Variants in LURAP1L observed in about 807,000 individuals in gnomAD.
LURAP1L encodes leucine rich adaptor protein 1 like.
In LURAP1L, 12 loss-of-function variants were observed where a neutral mutation model predicts 13.8. The ratio of observed to expected loss-of-function variants is 0.87; its 90% CI spans 0.56 to 1.41. The LOEUF (loss-of-function observed/expected upper bound fraction) is 1.41. Ranked by LOEUF, LURAP1L falls within the 40% of genes most tolerant of loss-of-function variation. LURAP1L has a pLI of 0.00. For synonymous variants in LURAP1L, 139 were observed against 119.2 expected, an observed-to-expected ratio of 1.17 and a Z score of -1.08; for missense variants, 375 against 292.9, an observed-to-expected ratio of 1.28 and a Z score of -2.04.
At chr9:12,780,075 G>A (rs978833017) in intron 1 of LURAP1L, among the ~76,000 whole-genome samples, 2 of 152,172 alleles carry the variant, frequency 1.3e-5, no homozygotes, top group African/African-American at 4.8e-5. Context: ...TGATGTAGGA[G>A]TATCAAGAGC....
chr9:12,789,528 G>A (rs1440211015), intron 1 of LURAP1L, among the ~76,000 whole-genome samples: 1 of 152,144 alleles, frequency 6.6e-6, no homozygotes, highest in Admixed American at 6.6e-5. Flanking sequence ...AGTGATTAGT[G>A]CCCAAGTAAG....
chr9:12,791,487 C>T (rs1382320313), intron 1 of LURAP1L, among the ~76,000 whole-genome samples: 38 of 151,986 alleles, frequency 2.5e-4, no homozygotes, highest in Admixed American at 2.4e-3. Context: ...AGGAGGATTT[C>T]CTACTAAGTG....
chr9:12,819,501 G>A (rs7022588), intron 1 of LURAP1L, among the ~76,000 whole-genome samples: 2,567 of 152,138 alleles, frequency 0.017, 73 homozygotes, highest in African/African-American at 0.059. Flanking sequence ...AGGACAATTC[G>A]CTCTTTTCTT....
At chr9:12,820,514 C>CAAAAA (rs1160341281) in intron 1 of LURAP1L, among the ~76,000 whole-genome samples, 4 of 41,726 alleles carry the variant, frequency 9.6e-5, no homozygotes, top group African/African-American at 3.3e-4. Flanking sequence ...CCCCCCCCCC[C>CAAAAA]AAAAAAAAAA....
chr9:12,776,098 G>A (rs1819177867), intron 1 of LURAP1L, 71 bp downstream of exon 1: 1 of 1,473,250 alleles, frequency 6.8e-7, no homozygotes, highest in South Asian at 1.2e-5. Context: ...TCTGAGAATG[G>A]GGCTGGGAGA....
chr9:12,775,789 T>C lies in LURAP1L; in HGVS notation c.74T>C (p.Val25Ala), dbSNP rs750540640. 6.2e-6 allele frequency: 10 copies of C among 1,610,316 alleles called. No homozygotes were observed. The Admixed American group carries it at 1.2e-4, about 19-fold the overall frequency. The change falls in exon 1 of 2, where the codon GTG (valine) becomes GCG (alanine). Residue 25 changes from valine to alanine, a missense_variant. Physicochemically the swap from Val to Ala is moderately conservative, Grantham distance 64. Transcript: ENST00000319264. ...GGGCGCAAAGTACCCGAGAGTCTAG[T>C]GCGCTCTCTCCGTGGGGAGGAGCCG... ...KLGRKVPESLVRSLRGEEPVP... is the reference protein window; with the variant it reads ...KLGRKVPESLARSLRGEEPVP...
At position 12,809,442 on chromosome 9, in the gene LURAP1L, C is replaced by T. The variant is rs1283004758; in HGVS notation, c.313-11944C>T. ...CCCATCAAAGGCATTATTTATGTTA[C>T]AGTGTTTTTGATTTCTTGCATTTTC... On this transcript the variant is annotated intron_variant, in intron 1 of 1. Transcript: ENST00000319264. 2.6e-5 allele frequency among the ~76,000 whole-genome samples: 4 copies of T among 152,164 alleles called. No individual in the cohort carries two copies. In the South Asian group the frequency reaches 6.2e-4, roughly 24 times the overall value.
intron 1 of LURAP1L, among the ~76,000 whole-genome samples, chr9:12,808,768 T>C (rs1200258623): frequency 6.6e-6 from 1 of 152,210 alleles, no homozygotes; most frequent in Non-Finnish European, 1.5e-5. Flanking sequence ...GTCATTCATT[T>C]TGGGACATTC....
At chr9:12,813,521 A>G (rs896748210) in intron 1 of LURAP1L, among the ~76,000 whole-genome samples, 5 of 152,198 alleles carry the variant, frequency 3.3e-5, no homozygotes, top group African/African-American at 9.6e-5. Context: ...AGAAATTTAA[A>G]AACACTATAA....
chr9:12,820,363 C>G (rs1038339595), intron 1 of LURAP1L, among the ~76,000 whole-genome samples: 13 of 151,872 alleles, frequency 8.6e-5, no homozygotes, highest in Non-Finnish European at 1.6e-4. Flanking sequence ...ATTAGCCGGG[C>G]GTGGTGGCGG....
At chr9:12,816,474 G>A (rs1228930941) in intron 1 of LURAP1L, among the ~76,000 whole-genome samples, 2 of 152,154 alleles carry the variant, frequency 1.3e-5, no homozygotes, top group Non-Finnish European at 2.9e-5. Flanking sequence ...TCAGTACCAT[G>A]TTCCTCATAC....
intron 1 of LURAP1L, among the ~76,000 whole-genome samples, chr9:12,781,009 T>A (rs1274263754): frequency 1.3e-5 from 2 of 152,330 alleles, no homozygotes; most frequent in East Asian, 3.9e-4. Context: ...TTCGCTCTTG[T>A]TGCCCAGGCT....
chr9:12,797,138 C>T (rs912247181), intron 1 of LURAP1L, among the ~76,000 whole-genome samples: 4 of 151,982 alleles, frequency 2.6e-5, no homozygotes, highest in East Asian at 1.9e-4. Flanking sequence ...AACCAAAACC[C>T]CCACTACCTC....
intron 1 of LURAP1L, among the ~76,000 whole-genome samples, chr9:12,813,317 AT>A (rs1819762952): frequency 6.6e-6 from 1 of 152,178 alleles, no homozygotes; most frequent in Non-Finnish European, 1.5e-5. Context: ...AATACTCAAA[AT>A]TCATGGCATC....
intron 1 of LURAP1L, among the ~76,000 whole-genome samples, chr9:12,818,709 T>C (rs1012841296): frequency 5.9e-5 from 9 of 151,764 alleles, no homozygotes; most frequent in Non-Finnish European, 1.3e-4. Flanking sequence ...GAGAGTGAAG[T>C]TTTTCAAGAA....
chr9:12,811,392 AT>A (rs1819733662), intron 1 of LURAP1L, among the ~76,000 whole-genome samples: 1 of 152,162 alleles, frequency 6.6e-6, no homozygotes, highest in African/African-American at 2.4e-5. Flanking sequence ...TGAAAGCATC[AT>A]TTTTGTCATT....
At chr9:12,820,980 A>T (rs1819871512) in intron 1 of LURAP1L, among the ~76,000 whole-genome samples, 1 of 151,972 alleles carries the variant, frequency 6.6e-6, no homozygotes. Context: ...GCTGAGGATG[A>T]CTCCTTAATT....
intron 1 of LURAP1L, among the ~76,000 whole-genome samples, chr9:12,805,787 C>T (rs1250973425): frequency 6.6e-6 from 1 of 152,152 alleles, no homozygotes; most frequent in South Asian, 2.1e-4. Flanking sequence ...CTGGAATCGG[C>T]TGTTTTATAC....
intron 1 of LURAP1L, among the ~76,000 whole-genome samples, chr9:12,802,282 A>T (rs1439648123): frequency 3.3e-5 from 5 of 152,096 alleles, no homozygotes; most frequent in Admixed American, 3.3e-4. Context: ...CCCAAGTCTC[A>T]TGTTCTGTAT....
Sources: allele counts gnomAD v4.1 joint callset (sites outside exome capture counted in the v4.1 genomes callset), GRCh38; gene constraint gnomAD v4.1.1; transcripts MANE v1.5; gene names NCBI Gene and HGNC (gene_info 2026-07-23, HGNC 2026-07-21).